Variants in PTPRK observed in about 807,000 individuals in gnomAD.
PTPRK encodes the protein receptor-type tyrosine-protein phosphatase kappa.
Under a neutral mutation model 178.0 loss-of-function variants are expected in PTPRK, and 75 were observed. That is an observed-to-expected ratio of 0.42 (90% confidence interval 0.35 to 0.51). The LOEUF (loss-of-function observed/expected upper bound fraction) is 0.51, where lower values mean the gene tolerates loss of function less well. Among genes scored for constraint, PTPRK ranks in the 20% least tolerant of loss-of-function variants. The pLI, the probability that PTPRK is intolerant of heterozygous loss-of-function variation, is 0.02. For synonymous variants in PTPRK, 637 were observed against 620.6 expected (o/e 1.03, Z -0.39); for missense variants, 1,441 against 1,797.8 (o/e 0.80, Z 3.59).
intron 7 of PTPRK, among the ~76,000 whole-genome samples, chr6:128,128,328 C>A (rs1793695230): frequency 6.6e-6 from 1 of 152,110 alleles, no homozygotes. Context: ...TTTAGAATCT[C>A]ACCCCACCCT....
intron 15 of PTPRK, chr6:128,000,330 C>A: frequency 7.8e-7 from 1 of 1,285,610 alleles, no homozygotes; most frequent in African/African-American, 1.6e-5. Flanking sequence ...ATTTTTTCTT[C>A]CTGGAGAAGG....
At chr6:128,110,150 C>G (rs754004788) in intron 7 of PTPRK, among the ~76,000 whole-genome samples, 1 of 152,100 alleles carries the variant, frequency 6.6e-6, no homozygotes. Context: ...TCTTAAACTT[C>G]TGGCCTCGAG....
chr6:128,165,557 T>C (rs1338492566), intron 7 of PTPRK, among the ~76,000 whole-genome samples: 2 of 151,162 alleles, frequency 1.3e-5, no homozygotes, highest in Admixed American at 1.3e-4. Flanking sequence ...GCATTATTCC[T>C]ATATAAATAT....
chr6:128,071,449 T>C (rs1196614463), intron 11 of PTPRK, among the ~76,000 whole-genome samples: 1 of 152,018 alleles, frequency 6.6e-6, no homozygotes, highest in Admixed American at 6.6e-5. Flanking sequence ...GAAATACCCG[T>C]TTCAGTTTAA....
At chr6:128,028,678 C>T (rs1252996033) in intron 13 of PTPRK, among the ~76,000 whole-genome samples, 2 of 152,202 alleles carry the variant, frequency 1.3e-5, no homozygotes, top group Non-Finnish European at 2.9e-5. Flanking sequence ...TCACAATTCA[C>T]AACTTCTTGA....
intron 21 of PTPRK, among the ~76,000 whole-genome samples, chr6:127,989,134 T>C (rs568810876): frequency 4.6e-5 from 7 of 152,224 alleles, no homozygotes; most frequent in Non-Finnish European, 1.0e-4. Flanking sequence ...CTTTTTGTTA[T>C]GTATTCAGGT....
chr6:128,513,171 C>G (rs1180759028), intron 1 of PTPRK, among the ~76,000 whole-genome samples: 2 of 151,860 alleles, frequency 1.3e-5, no homozygotes, highest in Non-Finnish European at 2.9e-5. Flanking sequence ...AAATAATAAT[C>G]AAGTAAATAT....
At chr6:128,324,626 G>A (rs1298488017) in intron 2 of PTPRK, among the ~76,000 whole-genome samples, 3 of 152,004 alleles carry the variant, frequency 2.0e-5, no homozygotes, top group Admixed American at 6.6e-5. Flanking sequence ...GAATGTTTCC[G>A]CTAAATGGCC....
At chr6:128,117,097 G>GA (rs1791660131) in intron 7 of PTPRK, among the ~76,000 whole-genome samples, 1 of 151,942 alleles carries the variant, frequency 6.6e-6, no homozygotes, top group African/African-American at 2.4e-5. Context: ...AGTGAGCCGA[G>GA]ATCATACCAC....
intron 12 of PTPRK, among the ~76,000 whole-genome samples, chr6:128,065,937 T>C (rs1781676381): frequency 6.6e-6 from 1 of 152,230 alleles, no homozygotes; most frequent in South Asian, 2.1e-4. Context: ...GTGAAATATA[T>C]TGTTGCTATT....
Position 127,995,475 on chromosome 6 carries a change from G to T in PTPRK, c.2831C>A (p.Ala944Asp), listed in dbSNP as rs1777049270. The T allele has an allele frequency of 1.3e-6, 2 of 1,592,532 alleles. No individual in the cohort carries two copies. Among genetic ancestry groups the T allele is most frequent in the Non-Finnish European group, 1.7e-6 (2 of 1,163,784 alleles). ...EDDPSSDYIN[A>D]NYIDGYQRPS... ...AAAAATACTTACATCAATATAGTTG[G>T]CATTAATATAATCTGAGGAAGGATC... Residue 944 changes from alanine to aspartate, a missense_variant, in exon 18 of 30, where the codon GCC (alanine) becomes GAC (aspartate). Ala to Asp is a moderately radical substitution (Grantham distance 126). Around this residue, in one of 4 missense-constraint regions of PTPRK, gnomAD observed 945 missense variants for 1,080.6 expected, o/e 0.87. Coordinates refer to ENST00000368226, the MANE Select transcript of PTPRK (RefSeq NM_002844.4).
intron 1 of PTPRK, among the ~76,000 whole-genome samples, chr6:128,432,584 A>G (rs1844975574): frequency 6.6e-6 from 1 of 152,214 alleles, no homozygotes; most frequent in Non-Finnish European, 1.5e-5. Flanking sequence ...TCCCTGTTTC[A>G]GTCCCAAGAT....
At chr6:128,330,143 C>T (rs1234495936) in intron 2 of PTPRK, among the ~76,000 whole-genome samples, 1 of 152,148 alleles carries the variant, frequency 6.6e-6, no homozygotes, top group Non-Finnish European at 1.5e-5. Flanking sequence ...AATAATATTG[C>T]TTCATGCCCA....
intron 1 of PTPRK, among the ~76,000 whole-genome samples, chr6:128,486,918 T>A (rs545267210): frequency 4.0e-5 from 6 of 151,542 alleles, no homozygotes; most frequent in Admixed American, 6.6e-5. Flanking sequence ...GACATAGATA[T>A]CACTTTGGTT....
chr6:128,161,259 GA>G (rs1480547828), intron 7 of PTPRK, among the ~76,000 whole-genome samples: 2 of 151,592 alleles, frequency 1.3e-5, no homozygotes, highest in Non-Finnish European at 3.0e-5. Flanking sequence ...ATATAAATCA[GA>G]AAGAAACAAT....
At chr6:128,380,338 C>T (rs566367621) in intron 2 of PTPRK, among the ~76,000 whole-genome samples, 8 of 152,026 alleles carry the variant, frequency 5.3e-5, no homozygotes, top group Non-Finnish European at 1.2e-4. Context: ...TTGATTGCAT[C>T]AGCACAAGAT....
intron 14 of PTPRK, among the ~76,000 whole-genome samples, chr6:128,007,758 G>C (rs559268414): frequency 6.6e-6 from 1 of 151,102 alleles, no homozygotes; most frequent in South Asian, 2.1e-4. Flanking sequence ...CATCCAATCT[G>C]AAGTGACCAG....
intron 2 of PTPRK, among the ~76,000 whole-genome samples, chr6:128,367,532 C>T (rs796251758): frequency 6.6e-5 from 10 of 152,268 alleles, no homozygotes; most frequent in African/African-American, 1.7e-4. Context: ...TACCCTGGCC[C>T]TCACTTAAAT....
intron 2 of PTPRK, among the ~76,000 whole-genome samples, chr6:128,371,875 C>CA (rs879295294): frequency 2.0e-4 from 27 of 131,830 alleles, no homozygotes; most frequent in African/African-American, 7.9e-4. Flanking sequence ...GACCTTGTCT[C>CA]AAAAAAAAAA....
Sources: gnomAD v4.1 joint callset for allele counts (sites outside exome capture counted in the v4.1 genomes callset) on GRCh38, gnomAD v4.1.1 for gene constraint, gnomAD v4.1.1 regional missense constraint, MANE v1.5 for transcripts, NCBI Gene and HGNC (gene_info 2026-07-23, HGNC 2026-07-21) for gene names.